Variants in ADAM10 observed in about 807,000 individuals in gnomAD.
ADAM10 encodes ADAM metallopeptidase domain 10.
Under a neutral mutation model 90.1 loss-of-function variants are expected in ADAM10, and 17 were observed. The ratio of observed to expected loss-of-function variants is 0.19; its 90% confidence interval spans 0.13 to 0.28. The LOEUF is 0.28. Among genes scored for constraint, ADAM10 ranks in the 10% least tolerant of loss-of-function variants. The pLI, the probability that ADAM10 is intolerant of heterozygous loss-of-function variation, is 1.00. For missense variants in ADAM10, 610 were observed against 914.3 expected (o/e 0.67, Z 4.29); for synonymous variants, 310 against 298.6 (o/e 1.04, Z -0.40).
intron 1 of ADAM10, chr15:58,747,968 A>C (rs1254372342): frequency 1.3e-5 from 2 of 152,234 alleles, no homozygotes; most frequent in Non-Finnish European, 2.9e-5. Flanking sequence ...AAAGTGAAAA[A>C]AGATAGGAAA....
chr15:58,653,615 C>T (rs1385669724), intron 5 of ADAM10, among the ~76,000 whole-genome samples: 3 of 152,064 alleles, frequency 2.0e-5, no homozygotes, highest in Admixed American at 6.5e-5. Context: ...ATTCAGTTTG[C>T]TAGTATTTTG....
rs111226910 is a variant in ADAM10 at position 58,671,061 on chromosome 15, C to A, written c.485-5864G>T. On this transcript the variant is annotated intron_variant, in intron 4 of 15. Transcript: ENST00000260408. ...TTCATATATATGCCATGCCTCAGTTCTTTGACATATTACCTCTTGTGCCTT... is the reference window on the plus strand; with the variant it reads ...TTCATATATATGCCATGCCTCAGTTATTTGACATATTACCTCTTGTGCCTT... Among the ~76,000 whole-genome samples, 531 of 152,218 alleles carry A rather than the reference C, an allele frequency of 3.5e-3. 5 individuals are homozygous for A. Among genetic ancestry groups the A allele is most frequent in the African/African-American group, 0.012 (510 of 41,562 alleles).
chr15:58,738,116 T>C (rs1899490239), intron 1 of ADAM10, among the ~76,000 whole-genome samples: 1 of 152,228 alleles, frequency 6.6e-6, no homozygotes, highest in Non-Finnish European at 1.5e-5. Context: ...AAAAATTACT[T>C]GTAATCAACT....
intron 4 of ADAM10, among the ~76,000 whole-genome samples, chr15:58,666,310 C>A (rs997869454): frequency 1.4e-4 from 21 of 150,798 alleles, no homozygotes; most frequent in African/African-American, 5.1e-4. Flanking sequence ...GTCTTACTTA[C>A]TTCAGAAGTG....
intron 6 of ADAM10, among the ~76,000 whole-genome samples, chr15:58,645,030 T>G (rs1896512429): frequency 6.6e-6 from 1 of 152,172 alleles, no homozygotes; most frequent in Non-Finnish European, 1.5e-5. Context: ...CCAACTTCAT[T>G]TACAAAAAGT....
chr15:58,728,391 G>A (rs1899112672), intron 1 of ADAM10, among the ~76,000 whole-genome samples: 2 of 152,000 alleles, frequency 1.3e-5, no homozygotes, highest in African/African-American at 2.4e-5. Flanking sequence ...TTAAAAAATT[G>A]TTGAATTTTA....
chr15:58,621,973 G>GA (rs111854220), intron 10 of ADAM10, among the ~76,000 whole-genome samples: 2,054 of 144,566 alleles, frequency 0.014, 56 homozygotes, highest in African/African-American at 0.048. Context: ...CACTAACCAG[G>GA]AAAAAAAAAA....
chr15:58,746,352 A>T (rs1158665869), intron 1 of ADAM10, among the ~76,000 whole-genome samples: 10 of 152,300 alleles, frequency 6.6e-5, no homozygotes, highest in African/African-American at 1.9e-4. Flanking sequence ...ACATCCTTGA[A>T]GATCTTAAAC....
intron 15 of ADAM10, 38 bp from the exon 16 acceptor site, chr15:58,597,679 T>C (rs1894995803): frequency 6.2e-7 from 1 of 1,610,378 alleles, no homozygotes; most frequent in African/African-American, 1.3e-5. Flanking sequence ...GATTTATTTA[T>C]CATGAGCTTT....
chr15:58,728,340 T>C (rs981161067), intron 1 of ADAM10, among the ~76,000 whole-genome samples: 74 of 152,350 alleles, frequency 4.9e-4, no homozygotes, highest in African/African-American at 1.6e-3. Flanking sequence ...GAGGTAGTTA[T>C]ACAAGTAAAT....
At chr15:58,692,536 T>C (rs780386187) in intron 2 of ADAM10, 2 of 527,472 alleles carry the variant, frequency 3.8e-6, no homozygotes, top group Non-Finnish European at 7.7e-6. Context: ...GATTTCCTTC[T>C]CTGGTTCCTT....
intron 4 of ADAM10, among the ~76,000 whole-genome samples, chr15:58,675,486 A>G (rs1240142636): frequency 6.6e-6 from 1 of 152,206 alleles, no homozygotes; most frequent in Non-Finnish European, 1.5e-5. Context: ...ATTCTAGTTT[A>G]TGGAACAATG....
chr15:58,610,894 G>A, intron 13 of ADAM10, 105 bp downstream of exon 13: 1 of 868,832 alleles, frequency 1.2e-6, no homozygotes, highest in South Asian at 1.4e-5. Flanking sequence ...AGATTTAGCT[G>A]GAAATTATCT....
At chr15:58,605,957 T>C (rs1895260557) in intron 14 of ADAM10, among the ~76,000 whole-genome samples, 1 of 151,872 alleles carries the variant, frequency 6.6e-6, no homozygotes, top group Non-Finnish European at 1.5e-5. Context: ...AAGTATCATC[T>C]AAAAAAAAGT....
At chr15:58,646,769 TAA>T in intron 5 of ADAM10, among the ~76,000 whole-genome samples, 1 of 152,266 alleles carries the variant, frequency 6.6e-6, no homozygotes, top group East Asian at 1.9e-4. Flanking sequence ...CCTATTGCTC[TAA>T]AAGATTAAGC....
At chr15:58,685,213 G>A (rs1359889731) in intron 2 of ADAM10, among the ~76,000 whole-genome samples, 2 of 147,592 alleles carry the variant, frequency 1.4e-5, no homozygotes, top group Non-Finnish European at 3.0e-5. Context: ...TGTAATCCCA[G>A]CATTTGGGGA....
intron 11 of ADAM10, among the ~76,000 whole-genome samples, chr15:58,619,746 T>C (rs1296549898): frequency 1.3e-5 from 2 of 151,788 alleles, no homozygotes; most frequent in African/African-American, 4.8e-5. Flanking sequence ...CTACTAAAAA[T>C]ACAAAAAATT....
intron 2 of ADAM10, among the ~76,000 whole-genome samples, chr15:58,697,187 G>C (rs1357388799): frequency 6.6e-6 from 1 of 152,202 alleles, no homozygotes; most frequent in Non-Finnish European, 1.5e-5. Context: ...ACTATTGGCA[G>C]TGACCCTGCT....
At chr15:58,711,511 C>CT (rs1898472419) in intron 2 of ADAM10, among the ~76,000 whole-genome samples, 1 of 152,122 alleles carries the variant, frequency 6.6e-6, no homozygotes, top group East Asian at 1.9e-4. Flanking sequence ...CACACTACTC[C>CT]TTTCTCCATC....
Sources: gnomAD v4.1 joint callset for allele counts (sites outside exome capture counted in the v4.1 genomes callset) on GRCh38, gnomAD v4.1.1 for gene constraint, MANE v1.5 for transcripts, NCBI Gene and HGNC (gene_info 2026-07-23, HGNC 2026-07-21) for gene names.